Variants in RBM33 observed in about 807,000 individuals in gnomAD.
RBM33 encodes RNA-binding protein 33.
In RBM33, 28 loss-of-function variants were observed where a neutral mutation model predicts 132.6. That is an observed-to-expected ratio of 0.21 (90% CI 0.16 to 0.29). The LOEUF is 0.29. RBM33 is among the 10% of genes least tolerant of loss of function. The probability of loss-of-function intolerance (pLI) is 1.00; values close to 1 mark genes in which losing one functional copy is unlikely to be tolerated. For missense variants in RBM33, 1,291 were observed against 1,518.5 expected, an observed-to-expected ratio of 0.85 and a Z score of 2.49; for synonymous variants, 634 against 593.0, an observed-to-expected ratio of 1.07 and a Z score of -1.01.
At chr7:155,679,515 G>A (rs1654123857) in intron 4 of RBM33, among the ~76,000 whole-genome samples, 2 of 151,896 alleles carry the variant, frequency 1.3e-5, no homozygotes, top group South Asian at 4.1e-4. Flanking sequence ...ACACTGGTAG[G>A]TGGAATAATA....
At position 155,688,267 on chromosome 7, in the gene RBM33, G is replaced by C. The variant is rs536071336; in HGVS notation, c.567+7359G>C. On this transcript the variant is annotated intron_variant, in intron 5 of 17. Transcript: ENST00000401878. ...TGAATGGGAGTTCACTCATGATTTG[G>C]CCCTCTGTTTGTCTGTTATTGGTGT... Among the ~76,000 whole-genome samples the C allele has an allele frequency of 2.0e-5, 3 of 152,160 alleles. No individual in the cohort carries two copies. The East Asian group carries it at 5.8e-4, about 29-fold the overall frequency.
chr7:155,657,933 A>G (rs571165238), intron 1 of RBM33, among the ~76,000 whole-genome samples: 22 of 152,324 alleles, frequency 1.4e-4, no homozygotes, highest in African/African-American at 5.3e-4. Context: ...AAAATAATGT[A>G]TATTTTGCAC....
In RBM33 at chr7:155,681,779, C is replaced by T. The variant is rs144177959; in HGVS notation, c.567+871C>T. ...GCTTTTCTGTATTTACATCTTCATT[C>T]GGAGGAAGCTTTTGTTTCAAAAAAA... On this transcript the variant is annotated intron_variant, in intron 5 of 17. Transcript: ENST00000401878. Among the ~76,000 whole-genome samples the T allele has an allele frequency of 8.2e-4, 124 of 152,008 alleles. 2 individuals carry two copies. The highest frequency in any genetic ancestry group is 5.6e-3 in the South Asian group (27 of 4,812).
intron 3 of RBM33, among the ~76,000 whole-genome samples, chr7:155,675,881 C>T (rs1365835428): frequency 6.6e-6 from 1 of 152,160 alleles, no homozygotes; most frequent in Non-Finnish European, 1.5e-5. Flanking sequence ...ATTTTCCATT[C>T]CCTGTTCGAT....
intron 3 of RBM33, among the ~76,000 whole-genome samples, chr7:155,673,754 A>ATG (rs1554469904): frequency 1.6e-5 from 1 of 61,320 alleles, no homozygotes; most frequent in South Asian, 7.3e-4. Context: ...ACGTGTATAT[A>ATG]CGCGCGCATG....
intron 1 of RBM33, among the ~76,000 whole-genome samples, chr7:155,654,801 CTT>C (rs1798447832): frequency 6.6e-6 from 1 of 152,100 alleles, no homozygotes; most frequent in Non-Finnish European, 1.5e-5. Context: ...TAATATGAAA[CTT>C]AATACTTCAT....
intron 9 of RBM33, among the ~76,000 whole-genome samples, chr7:155,737,245 C>CGT (rs1554481863): frequency 0.038 from 5,696 of 149,200 alleles, 275 homozygotes; most frequent in African/African-American, 0.11. Context: ...TCTAGGTGCG[C>CGT]GTGTGTGTGT....
At chr7:155,723,566 C>A (rs191445269) in intron 9 of RBM33, among the ~76,000 whole-genome samples, 257 of 152,274 alleles carry the variant, frequency 1.7e-3, no homozygotes, top group African/African-American at 5.6e-3. Context: ...CAATGAATTC[C>A]CATCTGCGGC....
At chr7:155,657,544 T>A (rs1011321014) in intron 1 of RBM33, among the ~76,000 whole-genome samples, 10 of 152,208 alleles carry the variant, frequency 6.6e-5, no homozygotes, top group Non-Finnish European at 2.9e-5. Context: ...TTGTCCAGGC[T>A]GGAGTGCAGT....
chr7:155,707,903 A>G (rs1311179862), intron 7 of RBM33, among the ~76,000 whole-genome samples: 1 of 152,176 alleles, frequency 6.6e-6, no homozygotes, highest in African/African-American at 2.4e-5. Context: ...CAAGTGATCC[A>G]TCTGCCTCAG....
intron 14 of RBM33, among the ~76,000 whole-genome samples, chr7:155,758,710 G>A (rs1801932403): frequency 6.6e-6 from 1 of 152,190 alleles, no homozygotes. Context: ...GAGCAGGTTT[G>A]TAGGAAGAGT....
In RBM33 at chr7:155,665,236, T is replaced by C. The variant is rs375670238; in HGVS notation, c.105T>C (p.Ala35=). 48 of 1,613,768 alleles carry C rather than the reference T, an allele frequency of 3.0e-5. No homozygotes were observed. The highest frequency in any genetic ancestry group is 2.8e-5 in the Non-Finnish European group (33 of 1,179,794). Residue 35 remains alanine, a synonymous_variant, in exon 2 of 18, where the codon GCT becomes GCC. Transcript: ENST00000401878. ...AACGGTCGTGGAGAAGAAGAGCTGC[T>C]GATGAGGACTGGGACAGGTACGTGC... ...GAERSWRRRA[A]DEDWDSELED... is the part of the protein sequence containing the mutation.
rs892103500 is a variant in RBM33 at position 155,777,050 on chromosome 7, T to C, written c.*2009T>C. On this transcript the variant is annotated 3_prime_UTR_variant, in exon 18 of 18. Transcript: ENST00000401878. ...ATACAATGAAATGAGTTTCATGACT[T>C]TTTTTTTTTTTAAACACTTTTTGAA... 6.7e-6 allele frequency: 1 copy of C among 149,246 alleles called. No homozygotes were observed. Among genetic ancestry groups the C allele is most frequent in the African/African-American group, 2.5e-5 (1 of 40,816 alleles). 9.2% of individuals were successfully genotyped at this position (149,246 alleles called of 1,614,324 possible).
In RBM33 at chr7:155,665,178, A is replaced by T; in HGVS notation, c.47A>T (p.Asp16Val). The T allele has an allele frequency of 6.2e-7, 1 of 1,613,778 alleles. No individual in the cohort carries two copies. The highest frequency in any genetic ancestry group is 8.5e-7 in the Non-Finnish European group (1 of 1,179,692). Residue 16 changes from aspartate (D) to valine (V), a missense_variant, in exon 2 of 18, where the codon GAT (aspartate) becomes GTT (valine). Coordinates refer to ENST00000401878, the MANE Select transcript of RBM33 (RefSeq NM_053043.3). ...CTTCAATGGACTGTTCTCATAGATGATGACTTTGACCAGTTTGATAAGCCT... is the reference window on the plus strand; with the variant it reads ...CTTCAATGGACTGTTCTCATAGATGTTGACTTTGACCAGTTTGATAAGCCT... ...GASGGAGAGD[D>V]DFDQFDKPGA...
intron 14 of RBM33, among the ~76,000 whole-genome samples, chr7:155,758,363 G>A (rs1387212574): frequency 6.6e-6 from 1 of 152,166 alleles, no homozygotes; most frequent in African/African-American, 2.4e-5. Flanking sequence ...CGTGGACTGG[G>A]GTTGGCGGTG....
chr7:155,707,269 A>G, intron 7 of RBM33: 1 of 681,078 alleles, frequency 1.5e-6, no homozygotes, highest in Non-Finnish European at 2.7e-6. Flanking sequence ...GTCATCTGGT[A>G]GTAAGAAATC....
chr7:155,659,071 A>C (rs1427224651), intron 1 of RBM33, among the ~76,000 whole-genome samples: 1 of 152,218 alleles, frequency 6.6e-6, no homozygotes, highest in Non-Finnish European at 1.5e-5. Flanking sequence ...AAAAGCCATT[A>C]AACAAATGGA....
Position 155,665,170 on chromosome 7 carries a change from C to T in RBM33, c.44-5C>T. ...AAAACTGACTTCAATGGACTGTTCTCATAGATGATGACTTTGACCAGTTTG... is the reference window on the plus strand; with the variant it reads ...AAAACTGACTTCAATGGACTGTTCTTATAGATGATGACTTTGACCAGTTTG... On this transcript the variant is annotated splice_region_variant and splice_polypyrimidine_tract_variant and intron_variant, in intron 1 of 17. Transcript: ENST00000401878. 6 of 1,613,510 alleles carry T rather than the reference C, an allele frequency of 3.7e-6. No homozygotes were observed. Among genetic ancestry groups the T allele is most frequent in the Non-Finnish European group, 5.1e-6 (6 of 1,179,490 alleles).
rs138445360 is a variant in RBM33 at position 155,692,457 on chromosome 7, G to A, written c.568-8316G>A. Among the ~76,000 whole-genome samples, 345 of 152,308 alleles carry A rather than the reference G, an allele frequency of 2.3e-3. 1 individual carries two copies. The highest frequency in any genetic ancestry group is 2.7e-3 in the Non-Finnish European group (182 of 68,032). On this transcript the variant is annotated intron_variant, in intron 5 of 17. Coordinates refer to ENST00000401878, the MANE Select transcript of RBM33 (RefSeq NM_053043.3). ...TACAGATGCAGTGTCTTCCTCTGGAGTCAAGGACAGGTTTGCTTACTCCCC... is the reference window on the plus strand; with the variant it reads ...TACAGATGCAGTGTCTTCCTCTGGAATCAAGGACAGGTTTGCTTACTCCCC...
Sources: gnomAD v4.1 joint callset for allele counts (sites outside exome capture counted in the v4.1 genomes callset) on GRCh38, gnomAD v4.1.1 for gene constraint, MANE v1.5 for transcripts, NCBI Gene and HGNC (gene_info 2026-07-23, HGNC 2026-07-21) for gene names.